Variants in DZIP1L observed in about 807,000 individuals in gnomAD.
The protein encoded by DZIP1L is DAZ interacting zinc finger protein 1 like, also known as cilium assembly protein DZIP1L.
Under a neutral mutation model 88.7 loss-of-function variants are expected in DZIP1L, and 90 were observed. That is an observed-to-expected ratio of 1.02 (90% CI 0.86 to 1.21). The LOEUF (loss-of-function observed/expected upper bound fraction) is 1.21. Among genes scored for constraint, DZIP1L ranks in the 50% most tolerant of loss-of-function variants. The pLI is 0.00. For synonymous variants in DZIP1L, 363 were observed against 372.1 expected, an observed-to-expected ratio of 0.98 and a Z score of 0.28; for missense variants, 932 against 955.8, an observed-to-expected ratio of 0.98 and a Z score of 0.33.
intron 1 of DZIP1L, among the ~76,000 whole-genome samples, chr3:138,108,853 TC>T (rs1459944990): frequency 1.3e-5 from 2 of 152,222 alleles, no homozygotes; most frequent in South Asian, 2.1e-4. Context: ...CATCTTATTG[TC>T]CAAGGTACAA....
chr3:138,090,820 A>C (rs1454246987), intron 5 of DZIP1L, among the ~76,000 whole-genome samples: 2 of 152,294 alleles, frequency 1.3e-5, no homozygotes, highest in Admixed American at 1.3e-4. Context: ...TACATTTAAA[A>C]AATATTTTTC....
intron 2 of DZIP1L, among the ~76,000 whole-genome samples, chr3:138,098,422 G>C (rs1944575517): frequency 6.6e-6 from 1 of 152,240 alleles, no homozygotes. Flanking sequence ...CAGAGGCAGA[G>C]AGGTTAGCAA....
chr3:138,067,137 T>C (rs1942945424), intron 14 of DZIP1L, among the ~76,000 whole-genome samples: 1 of 152,178 alleles, frequency 6.6e-6, no homozygotes, highest in East Asian at 1.9e-4. Flanking sequence ...AGGAAGCCTA[T>C]GCCTCAGGCA....
chr3:138,090,809 A>G (rs1944181093), intron 5 of DZIP1L, among the ~76,000 whole-genome samples: 2 of 152,286 alleles, frequency 1.3e-5, no homozygotes, highest in South Asian at 4.1e-4. Context: ...TGAGAGATAA[A>G]TACATTTAAA....
chr3:138,068,212 C>CG lies in DZIP1L; in HGVS notation c.1770dup (p.Ala591ArgfsTer28). On this transcript the variant is annotated frameshift_variant, in exon 13 of 16. Coordinates refer to ENST00000327532, the MANE Select transcript of DZIP1L (RefSeq NM_173543.3). LOFTEE classifies it high-confidence loss of function. ...GGTCCATGCAGTCCGGGGCGTGGAG[C>CG]GGGGGCGGACACCTGGGTCAGGCTG... The CG allele has an allele frequency of 6.3e-7, 1 of 1,590,784 alleles. No homozygotes were observed. Among genetic ancestry groups the CG allele is most frequent in the Non-Finnish European group, 8.6e-7 (1 of 1,167,578 alleles).
In DZIP1L at chr3:138,103,688, T is replaced by C; in HGVS notation, c.284A>G (p.Glu95Gly). The C allele has an allele frequency of 6.2e-7, 1 of 1,611,900 alleles. No homozygotes were observed. The highest frequency in any genetic ancestry group is 1.1e-5 in the South Asian group (1 of 91,064). The change falls in exon 2 of 16, where the codon GAG becomes GGG. Residue 95 changes from glutamate to glycine, a missense_variant. Glu to Gly is a moderately conservative substitution (Grantham distance 98). Coordinates refer to ENST00000327532, the MANE Select transcript of DZIP1L (RefSeq NM_173543.3). ...KVLRLAQLII[E>G]YLLHCQDCLS... is the part of the protein sequence containing the mutation. ...GCAATCCTGGCAGTGCAGCAGGTAC[T>C]CAATGATGAGCTGCGCCAGGCGCAG...
rs751768041 is a variant in DZIP1L, at chr3:138,103,917, A to G, written c.55T>C (p.Tyr19His). The change falls in exon 2 of 16, where the codon TAC becomes CAC. Residue 19 changes from tyrosine to histidine, a missense_variant. By Grantham distance (83) the Tyr-to-His change is moderately conservative. Transcript: ENST00000327532. ...TGAAACTTGAAGGTGGGGAACGTGT[A>G]GGCCCCAAAGAGGGGGCCACTGAGG... is the stretch of plus-strand genomic sequence containing the variant. ...EGLSGPLFGAYTFPTFKFQPR... is the reference protein window; with the variant it reads ...EGLSGPLFGAHTFPTFKFQPR... 5 of 1,613,662 alleles carry G rather than the reference A, an allele frequency of 3.1e-6. No individual in the cohort carries two copies. The highest frequency in any genetic ancestry group is 4.2e-6 in the Non-Finnish European group (5 of 1,180,032).
intron 5 of DZIP1L, among the ~76,000 whole-genome samples, chr3:138,090,522 A>C (rs1050157609): frequency 6.6e-5 from 10 of 152,278 alleles, no homozygotes; most frequent in East Asian, 5.8e-4. Context: ...CCCAGCTGGG[A>C]AGCATTTTGG....
At chr3:138,071,181 A>G (rs1442796812) in intron 12 of DZIP1L, among the ~76,000 whole-genome samples, 6 of 152,192 alleles carry the variant, frequency 3.9e-5, no homozygotes, top group African/African-American at 1.4e-4. Flanking sequence ...AGAAGTTTAC[A>G]TTCAATTGAT....
Position 138,094,948 on chromosome 3 carries a change from C to G in DZIP1L, c.622G>C (p.Val208Leu), listed in dbSNP as rs962656150. The G allele has an allele frequency of 6.2e-7, 1 of 1,614,284 alleles. No homozygotes were observed. The highest frequency in any genetic ancestry group is 8.5e-7 in the Non-Finnish European group (1 of 1,180,058). The change falls in exon 4 of 16, where the codon GTG becomes CTG. Residue 208 changes from valine (V) to leucine (L), a missense_variant. Val to Leu is a conservative substitution (Grantham distance 32). Transcript: ENST00000327532. Reference sequence around the variant, plus strand: ...AGCTTGGCCCGTAGCTCTTCTAACACCTCTTCCACTGGCTGTTCCTGTTTC... The same window carrying G: ...AGCTTGGCCCGTAGCTCTTCTAACAGCTCTTCCACTGGCTGTTCCTGTTTC... Reference protein sequence around the residue: ...QKKQEQPVEEVLEELRAKLKW... With the variant: ...QKKQEQPVEELLEELRAKLKW...
chr3:138,075,387 A>G (rs930989508), intron 11 of DZIP1L, among the ~76,000 whole-genome samples: 1 of 152,238 alleles, frequency 6.6e-6, no homozygotes, highest in African/African-American at 2.4e-5. Context: ...ATTCTCCAAG[A>G]TAGACCAGAT....
At chr3:138,110,012 A>G (rs1279370158) in intron 1 of DZIP1L, among the ~76,000 whole-genome samples, 1 of 152,082 alleles carries the variant, frequency 6.6e-6, no homozygotes, top group Non-Finnish European at 1.5e-5. Context: ...GGTGCAGCAA[A>G]ACACCATGCA....
At chr3:138,109,374 C>A (rs2042578552) in intron 1 of DZIP1L, among the ~76,000 whole-genome samples, 1 of 152,220 alleles carries the variant, frequency 6.6e-6, no homozygotes, top group African/African-American at 2.4e-5. Context: ...CACACCCAGG[C>A]AGCCTGGCTC....
chr3:138,081,687 G>T, intron 9 of DZIP1L, 47 bp downstream of exon 9: 1 of 1,579,256 alleles, frequency 6.3e-7, no homozygotes, highest in South Asian at 1.2e-5. Context: ...AGAAAAGCCA[G>T]AGACAATAGT....
chr3:138,074,289 A>C (rs1943303781), intron 11 of DZIP1L, among the ~76,000 whole-genome samples: 1 of 152,200 alleles, frequency 6.6e-6, no homozygotes, highest in South Asian at 2.1e-4. Context: ...GAAGGAAAGA[A>C]TCATAAGAGC....
At chr3:138,076,498 G>A (rs1443661767) in intron 11 of DZIP1L, among the ~76,000 whole-genome samples, 1 of 152,212 alleles carries the variant, frequency 6.6e-6, no homozygotes, top group African/African-American at 2.4e-5. Flanking sequence ...TTGCAAAAAT[G>A]TGGAACCAGC....
At chr3:138,087,121 G>C (rs373846939) in intron 6 of DZIP1L, 98 bp from the exon 7 acceptor site, 17 of 1,063,070 alleles carry the variant, frequency 1.6e-5, no homozygotes, top group Non-Finnish European at 2.1e-5. Context: ...TGGGTAGGCA[G>C]ACAGAGTAGT....
chr3:138,077,604 G>A lies in DZIP1L; in HGVS notation c.1317C>T (p.His439=), dbSNP rs1943471337. The A allele has an allele frequency of 6.2e-7, 1 of 1,614,206 alleles. No individual in the cohort carries two copies. Among genetic ancestry groups the A allele is most frequent in the Non-Finnish European group, 8.5e-7 (1 of 1,180,050 alleles). Residue 439 remains histidine, a synonymous_variant, in exon 11 of 16, where the codon CAC becomes CAT. Coordinates refer to ENST00000327532, the MANE Select transcript of DZIP1L (RefSeq NM_173543.3). ...TACGCCTCAGAGCTGCCAGCACCTT[G>A]TGCTGTTCATCCTGGGAGTCCTCCA... is the stretch of plus-strand genomic sequence containing the variant. The part of the protein sequence containing the change: ...EEMEDSQDEQ[H]KVLAALRRNP...
Position 138,071,730 on chromosome 3 carries a change from C to A in DZIP1L, c.1528G>T (p.Gly510Ter). The change falls in exon 12 of 16, where the codon GGA becomes TGA. Residue 510 changes from glycine (G) to a stop codon, truncating the protein, a stop_gained. Transcript: ENST00000327532. LOFTEE classifies it high-confidence loss of function. ...RKFSEFLSLR[G>*]KLVKEVTSRA... ...CTGGTGACTTCCTTGACAAGCTTTC[C>A]CCTCAGACTCAGAAATTCAGAAAAC... is the stretch of plus-strand genomic sequence containing the variant. 6.2e-7 allele frequency: 1 copy of A among 1,614,208 alleles called. No homozygotes were observed. Among genetic ancestry groups the A allele is most frequent in the Non-Finnish European group, 8.5e-7 (1 of 1,180,036 alleles).
Sources: gnomAD v4.1 joint callset for allele counts (sites outside exome capture counted in the v4.1 genomes callset) on GRCh38, gnomAD v4.1.1 for gene constraint, MANE v1.5 for transcripts, NCBI Gene and HGNC (gene_info 2026-07-23, HGNC 2026-07-21) for gene names.